The following NRG1 variants were observed in gnomAD, a reference collection of about 807,000 sequenced individuals.
NRG1 encodes pro-neuregulin-1, membrane-bound isoform.
A neutral mutation model predicts 63.8 loss-of-function variants in NRG1; 18 were observed. The ratio of observed to expected loss-of-function variants is 0.28; its 90% CI spans 0.19 to 0.42. NRG1 has a LOEUF of 0.42. Among genes scored for constraint, NRG1 ranks in the 10% least tolerant of loss-of-function variants. The pLI, the probability that NRG1 is intolerant of heterozygous loss-of-function variation, is 1.00. For missense variants in NRG1, 762 were observed against 814.7 expected, an observed-to-expected ratio of 0.94 and a Z score of 0.79; for synonymous variants, 302 against 301.3, an observed-to-expected ratio of 1.00 and a Z score of -0.02.
In NRG1 at chr8:31,903,374, C is replaced by T. The variant is rs996358789; in HGVS notation, c.37+263943C>T. Among the ~76,000 whole-genome samples the T allele has an allele frequency of 5.3e-5, 8 of 151,768 alleles. No individual in the cohort carries two copies. In the East Asian group the frequency reaches 1.2e-3, roughly 23 times the overall value. On this transcript the variant is annotated intron_variant, in intron 1 of 10. Coordinates refer to the NRG1 transcript ENST00000519301. ...TTGTGTTAGCCAGGTTGGTCTTGAT[C>T]TCCTGACCTCGTGATCCTCCTGCCT...
intron 1 of NRG1, among the ~76,000 whole-genome samples, chr8:31,705,301 C>T (rs1476234159): frequency 6.6e-6 from 1 of 152,098 alleles, no homozygotes; most frequent in Non-Finnish European, 1.5e-5. Context: ...CTGCTTTGGC[C>T]TCCCAAAGTG....
intron 5 of NRG1, among the ~76,000 whole-genome samples, chr8:32,687,390 A>T (rs533336649): frequency 1.3e-5 from 2 of 152,202 alleles, no homozygotes; most frequent in Non-Finnish European, 2.9e-5. Context: ...GCAACAGAGC[A>T]CTATCTTCTG....
intron 1 of NRG1, among the ~76,000 whole-genome samples, chr8:32,299,598 T>C (rs1480920872): frequency 6.6e-6 from 1 of 152,156 alleles, no homozygotes; most frequent in African/African-American, 2.4e-5. Context: ...AATGAAGACA[T>C]ACCCAAGACT....
At chr8:32,298,269 T>G (rs4236707) in intron 1 of NRG1, among the ~76,000 whole-genome samples, 111,394 of 152,122 alleles carry the variant, frequency 0.73, 41,858 homozygotes, top group African/African-American at 0.92. Flanking sequence ...ATTAAGCAAA[T>G]CCTTTTCAAC....
intron 1 of NRG1, among the ~76,000 whole-genome samples, chr8:32,420,236 G>T (rs1343265204): frequency 6.6e-6 from 1 of 152,156 alleles, no homozygotes; most frequent in East Asian, 1.9e-4. Flanking sequence ...GTGACTTAAT[G>T]GTGGCTTGTG....
chr8:32,342,118 T>C lies in NRG1; in HGVS notation c.38-253710T>C, dbSNP rs1379336914. ...GTCAGTCAAGTCTGTCTCTATGTCA[T>C]TTGAGTTTATGTTTATGTGTTAGTG... On this transcript the variant is annotated intron_variant, in intron 1 of 10. Coordinates refer to the NRG1 transcript ENST00000519301. Among the ~76,000 whole-genome samples, 4 of 152,332 alleles carry C rather than the reference T, an allele frequency of 2.6e-5. No homozygotes were observed. In the East Asian group the frequency reaches 5.8e-4, roughly 22 times the overall value.
chr8:31,769,210 G>C (rs1586272808), intron 1 of NRG1, among the ~76,000 whole-genome samples: 1 of 152,042 alleles, frequency 6.6e-6, no homozygotes, highest in East Asian at 1.9e-4. Context: ...AATTTACATG[G>C]GTTTTTAATG....
chr8:32,772,035 AAATATG>A (rs1831844563), downstream of NRG1, among the ~76,000 whole-genome samples: 1 of 10,892 alleles, frequency 9.2e-5, no homozygotes, highest in African/African-American at 2.3e-4. Context: ...AAAAAAAAAA[AAATATG>A]TATATATATA....
chr8:31,848,063 A>C (rs748048678), intron 1 of NRG1, among the ~76,000 whole-genome samples: 1 of 152,232 alleles, frequency 6.6e-6, no homozygotes, highest in South Asian at 2.1e-4. Flanking sequence ...TTTAAACTTT[A>C]GATACACATT....
chr8:32,728,288 T>A (rs1006840905), intron 6 of NRG1: 1 of 984,212 alleles, frequency 1.0e-6, no homozygotes, highest in Non-Finnish European at 1.2e-6. Context: ...TTTCAATGTG[T>A]GTGAGGTGTT....
chr8:32,309,301 C>A (rs529318314), intron 1 of NRG1, among the ~76,000 whole-genome samples: 1 of 152,246 alleles, frequency 6.6e-6, no homozygotes, highest in South Asian at 2.1e-4. Context: ...GCTTATGTGC[C>A]TGTGGTTTTA....
intron 1 of NRG1, among the ~76,000 whole-genome samples, chr8:32,195,653 G>A (rs529590763): frequency 3.3e-4 from 50 of 152,164 alleles, no homozygotes; most frequent in African/African-American, 1.2e-3. Context: ...AAAAAAGCAT[G>A]GCAATATCAG....
chr8:32,330,443 G>A (rs1404985800), intron 1 of NRG1, among the ~76,000 whole-genome samples: 2 of 152,154 alleles, frequency 1.3e-5, no homozygotes, highest in African/African-American at 2.4e-5. Context: ...AGGTTTATTG[G>A]GGAGTGTTCT....
intron 1 of NRG1, among the ~76,000 whole-genome samples, chr8:32,368,681 T>C (rs1186913966): frequency 6.6e-6 from 1 of 152,238 alleles, no homozygotes; most frequent in Non-Finnish European, 1.5e-5. Flanking sequence ...TAGCCAATTT[T>C]GTATCTCCTG....
intron 1 of NRG1, among the ~76,000 whole-genome samples, chr8:32,581,691 C>T (rs58705931): frequency 0.022 from 3,283 of 152,154 alleles, 49 homozygotes; most frequent in Middle Eastern, 0.058. Flanking sequence ...GACACTTATT[C>T]GAAAGACATA....
intron 1 of NRG1, among the ~76,000 whole-genome samples, chr8:31,889,554 G>A (rs1429288128): frequency 6.6e-6 from 1 of 152,162 alleles, no homozygotes; most frequent in East Asian, 1.9e-4. Context: ...AACCCAGCTG[G>A]GCTCTGTGTT....
At chr8:32,651,060 T>C (rs1245340827) in intron 5 of NRG1, among the ~76,000 whole-genome samples, 1 of 152,202 alleles carries the variant, frequency 6.6e-6, no homozygotes, top group Non-Finnish European at 1.5e-5. Context: ...AGTTTTATTT[T>C]ATAAATACTA....
intron 1 of NRG1, among the ~76,000 whole-genome samples, chr8:32,175,784 A>G (rs560291985): frequency 6.6e-6 from 1 of 152,338 alleles, no homozygotes; most frequent in East Asian, 1.9e-4. Flanking sequence ...AGGGATGTGA[A>G]GGACCTCTTC....
chr8:31,720,304 T>C (rs1226774943), intron 1 of NRG1, among the ~76,000 whole-genome samples: 1 of 152,176 alleles, frequency 6.6e-6, no homozygotes, highest in Non-Finnish European at 1.5e-5. Flanking sequence ...GTATGATTAA[T>C]TGACATTTTG....
Sources: allele counts gnomAD v4.1 joint callset (sites outside exome capture counted in the v4.1 genomes callset), GRCh38; gene constraint gnomAD v4.1.1; transcripts MANE v1.5; gene names NCBI Gene and HGNC (gene_info 2026-07-23, HGNC 2026-07-21).